Variants in DGKB observed in about 807,000 individuals in gnomAD.
DGKB encodes diacylglycerol kinase beta, also known as 90 kDa diacylglycerol kinase.
Under a neutral mutation model 114.3 loss-of-function variants are expected in DGKB, and 67 were observed. The observed-to-expected ratio is 0.59, with a 90% CI of 0.48 to 0.72. The LOEUF (loss-of-function observed/expected upper bound fraction) is 0.72, where lower values mean the gene tolerates loss of function less well. Ranked by LOEUF, DGKB falls within the 30% of genes least tolerant of loss-of-function variation. The probability of loss-of-function intolerance (pLI) is 0.00; values close to 1 mark genes in which losing one functional copy is unlikely to be tolerated. For missense variants in DGKB, 907 were observed against 975.2 expected (o/e 0.93, Z 0.93); for synonymous variants, 398 against 323.1 (o/e 1.23, Z -2.49).
At chr7:14,579,161 T>C (rs1274636812) in intron 19 of DGKB, among the ~76,000 whole-genome samples, 2 of 152,226 alleles carry the variant, frequency 1.3e-5, no homozygotes, top group Non-Finnish European at 2.9e-5. Flanking sequence ...TATTGTTCAA[T>C]TTATTTTCAA....
intron 1 of DGKB, among the ~76,000 whole-genome samples, chr7:14,883,277 T>G (rs1854519876): frequency 6.6e-6 from 1 of 151,956 alleles, no homozygotes; most frequent in African/African-American, 2.4e-5. Flanking sequence ...TATATTTGTT[T>G]GCAAAGTTTT....
chr7:14,250,174 G>T (rs1795024854), intron 23 of DGKB, among the ~76,000 whole-genome samples: 1 of 147,068 alleles, frequency 6.8e-6, no homozygotes, highest in Non-Finnish European at 1.5e-5. Flanking sequence ...TCACCATGTT[G>T]CCTAGGCTGG....
At chr7:14,421,240 G>A (rs1826643778) in intron 21 of DGKB, among the ~76,000 whole-genome samples, 1 of 152,012 alleles carries the variant, frequency 6.6e-6, no homozygotes. Context: ...CTATGTTTCT[G>A]TTGCCTTTTG....
chr7:14,206,184 C>T (rs955526219), intron 23 of DGKB, among the ~76,000 whole-genome samples: 1 of 151,876 alleles, frequency 6.6e-6, no homozygotes, highest in African/African-American at 2.4e-5. Flanking sequence ...GTGGAATCCA[C>T]ATAGGAAAAT....
At chr7:14,922,414 G>C (rs1350379503) in intron 1 of DGKB, among the ~76,000 whole-genome samples, 1 of 147,226 alleles carries the variant, frequency 6.8e-6, no homozygotes, top group Non-Finnish European at 1.5e-5. Flanking sequence ...GTGTGTGTGT[G>C]TATCAGACTT....
At chr7:14,467,142 G>C (rs1780596807) in intron 21 of DGKB, among the ~76,000 whole-genome samples, 1 of 149,994 alleles carries the variant, frequency 6.7e-6, no homozygotes, top group East Asian at 1.9e-4. Flanking sequence ...ACTATTATAT[G>C]TTTATATAAG....
intron 20 of DGKB, among the ~76,000 whole-genome samples, chr7:14,518,332 G>T (rs968413641): frequency 6.6e-6 from 1 of 151,972 alleles, no homozygotes; most frequent in Non-Finnish European, 1.5e-5. Context: ...TAAGAGGAGG[G>T]TAAGGATCGC....
At position 14,376,412 on chromosome 7, in the gene DGKB, A is replaced by G. The variant is rs147095188; in HGVS notation, c.1836-31021T>C. 1.3e-3 allele frequency among the ~76,000 whole-genome samples: 191 copies of G among 152,348 alleles called. 1 individual carries two copies. The highest frequency in any genetic ancestry group is 4.4e-3 in the African/African-American group (181 of 41,582). On this transcript the variant is annotated intron_variant, in intron 21 of 25. Coordinates refer to ENST00000402815, the MANE Select transcript of DGKB (RefSeq NM_001350709.2). The stretch of plus-strand genomic sequence containing the variant: ...CCTTCTTGTCTCAGAAATTATAGAA[A>G]CAGATGTATACTCTCATCACAAAAA...
chr7:14,542,918 AT>A (rs1793698409), intron 20 of DGKB, among the ~76,000 whole-genome samples: 1 of 152,130 alleles, frequency 6.6e-6, no homozygotes, highest in African/African-American at 2.4e-5. Context: ...CTTTGCTGTG[AT>A]GATTTTGAAA....
chr7:14,176,076 C>G (rs1268951854), intron 25 of DGKB: 1 of 151,652 alleles, frequency 6.6e-6, no homozygotes, highest in Admixed American at 6.6e-5. Context: ...CCTAATCCAG[C>G]TTCTTATCAT....
At chr7:14,877,975 T>C (rs1278542924) in intron 1 of DGKB, among the ~76,000 whole-genome samples, 3 of 152,104 alleles carry the variant, frequency 2.0e-5, no homozygotes, top group African/African-American at 7.2e-5. Context: ...GAATCTCTAT[T>C]TGTGACAATA....
chr7:14,146,256 A>G lies in DGKB; in HGVS notation c.*2875T>C, dbSNP rs770152706. 1 of 152,180 alleles carries G rather than the reference A, an allele frequency of 6.6e-6. No individual in the cohort carries two copies. The highest frequency in any genetic ancestry group is 1.5e-5 in the Non-Finnish European group (1 of 68,028). 9.4% of individuals were successfully genotyped at this position (152,180 alleles called of 1,614,324 possible). On this transcript the variant is annotated 3_prime_UTR_variant, in exon 26 of 26. Transcript: ENST00000402815. ...GTAGATACCTCCCTTCCTATCTCTT[A>G]GAAGCGTGGATATCAAGGTTTACTC...
chr7:14,862,879 CATATT>C (rs1218313559), intron 1 of DGKB, among the ~76,000 whole-genome samples: 1 of 152,008 alleles, frequency 6.6e-6, no homozygotes, highest in African/African-American at 2.4e-5. Flanking sequence ...CTGTGTTAAA[CATATT>C]ATATAGCCAC....
intron 23 of DGKB, among the ~76,000 whole-genome samples, chr7:14,244,135 G>A (rs1471148479): frequency 6.6e-6 from 1 of 152,018 alleles, no homozygotes; most frequent in Non-Finnish European, 1.5e-5. Context: ...AGAGTGATTA[G>A]GGAAGACATA....
chr7:14,882,620 G>A lies in DGKB; in HGVS notation c.-188+19972C>T, dbSNP rs182059141. Among the ~76,000 whole-genome samples, 39 of 151,826 alleles carry A rather than the reference G, an allele frequency of 2.6e-4. 1 individual carries two copies. The East Asian group carries it at 7.2e-3, about 28-fold the overall frequency. Reference sequence around the variant, plus strand: ...CCCTTCTCCCTTCTGAGTCTCTATTGTCTATCATTCCACTGTTTATACCCA... The same window carrying A: ...CCCTTCTCCCTTCTGAGTCTCTATTATCTATCATTCCACTGTTTATACCCA... On this transcript the variant is annotated intron_variant, in intron 1 of 25. Coordinates refer to ENST00000402815, the MANE Select transcript of DGKB (RefSeq NM_001350709.2).
At chr7:14,754,275 A>C (rs994249235) in intron 3 of DGKB, among the ~76,000 whole-genome samples, 1 of 152,180 alleles carries the variant, frequency 6.6e-6, no homozygotes, top group Non-Finnish European at 1.5e-5. Flanking sequence ...ATCAATGACT[A>C]GATCAATCTT....
At chr7:14,175,627 A>AAAATGG in intron 25 of DGKB, among the ~76,000 whole-genome samples, 1 of 152,334 alleles carries the variant, frequency 6.6e-6, no homozygotes, top group East Asian at 1.9e-4. Context: ...TGAACTTAAA[A>AAAATGG]AAATGTAAAT....
chr7:14,843,029 G>A (rs1379129232), intron 1 of DGKB, among the ~76,000 whole-genome samples: 3 of 151,908 alleles, frequency 2.0e-5, no homozygotes, highest in Admixed American at 6.6e-5. Context: ...ACAACATAAC[G>A]AGACCCCATC....
chr7:14,187,109 G>C (rs1783559909), intron 23 of DGKB, among the ~76,000 whole-genome samples: 1 of 152,172 alleles, frequency 6.6e-6, no homozygotes, highest in Non-Finnish European at 1.5e-5. Context: ...AAATAGTCCA[G>C]CAAACAGTCC....
Sources: allele counts gnomAD v4.1 joint callset (sites outside exome capture counted in the v4.1 genomes callset), GRCh38; gene constraint gnomAD v4.1.1; transcripts MANE v1.5; gene names NCBI Gene and HGNC (gene_info 2026-07-23, HGNC 2026-07-21).